Variants in NRXN1 observed in about 807,000 individuals in gnomAD.
The protein encoded by NRXN1 is neurexin-1.
NRXN1 carries 39 observed loss-of-function variants against 150.9 expected under a neutral mutation model. The ratio of observed to expected loss-of-function variants is 0.26; its 90% CI spans 0.20 to 0.34. The LOEUF (loss-of-function observed/expected upper bound fraction) is 0.34, where lower values mean the gene tolerates loss of function less well. Among genes scored for constraint, NRXN1 ranks in the 10% least tolerant of loss-of-function variants. NRXN1 has a pLI of 1.00. For missense variants in NRXN1, 1,815 were observed against 1,949.9 expected (o/e 0.93, Z 1.30); for synonymous variants, 924 against 757.0 (o/e 1.22, Z -3.62).
intron 19 of NRXN1, among the ~76,000 whole-genome samples, chr2:50,069,999 C>A (rs1001431694): frequency 6.6e-6 from 1 of 151,758 alleles, no homozygotes; most frequent in Non-Finnish European, 1.5e-5. Flanking sequence ...TACAGGCACC[C>A]GCCACCACAC....
rs1330231745 is a variant in NRXN1, at chr2:50,076,416, G to C, written c.3718+14907C>G. ...TTTACTCAGCACTTACTACTTACCAGGTTTTTACCAATTTCTAACTGTTTT... is the reference window on the plus strand; with the variant it reads ...TTTACTCAGCACTTACTACTTACCACGTTTTTACCAATTTCTAACTGTTTT... On this transcript the variant is annotated intron_variant, in intron 19 of 22. Coordinates refer to ENST00000401669, the MANE Select transcript of NRXN1 (RefSeq NM_001330078.2). Among the ~76,000 whole-genome samples the C allele has an allele frequency of 2.0e-5, 3 of 152,088 alleles. No homozygotes were observed. In the East Asian group the frequency reaches 5.8e-4, roughly 29 times the overall value.
intron 18 of NRXN1, among the ~76,000 whole-genome samples, chr2:50,135,038 T>C (rs769136338): frequency 2.6e-5 from 4 of 152,220 alleles, no homozygotes; most frequent in East Asian, 1.9e-4. Context: ...AGCAAGAATA[T>C]TATGCACCAG....
At chr2:50,169,737 GA>G (rs2059914508) in intron 18 of NRXN1, among the ~76,000 whole-genome samples, 1 of 140,686 alleles carries the variant, frequency 7.1e-6, no homozygotes, top group Non-Finnish European at 1.5e-5. Flanking sequence ...AAGAAAGAAA[GA>G]AATTATATGG....
At chr2:49,995,270 A>G (rs62134647) in intron 21 of NRXN1, among the ~76,000 whole-genome samples, 71,037 of 152,028 alleles carry the variant, frequency 0.47, 17,252 homozygotes, top group Middle Eastern at 0.6. Flanking sequence ...ATTGAAATGA[A>G]TGTTTTATAA....
At chr2:50,601,511 A>T (rs545117411) in intron 8 of NRXN1, among the ~76,000 whole-genome samples, 6 of 152,344 alleles carry the variant, frequency 3.9e-5, no homozygotes, top group African/African-American at 1.4e-4. Context: ...TATGATCTTG[A>T]CTTCTACAAT....
rs545906338 is a variant in NRXN1, at chr2:50,138,757, C to A, written c.3547-47263G>T. ...CTCTGATTATTAGTCTTGAAGCCAT[C>A]TTATGTTATTGTTCCATTCCTCACA... On this transcript the variant is annotated intron_variant, in intron 18 of 22. Transcript: ENST00000401669. Among the ~76,000 whole-genome samples, 13 of 152,294 alleles carry A rather than the reference C, an allele frequency of 8.5e-5. No individual in the cohort carries two copies. In the East Asian group the frequency reaches 2.5e-3, roughly 29 times the overall value.
intron 18 of NRXN1, among the ~76,000 whole-genome samples, chr2:50,219,972 T>TATATAC (rs2063736273): frequency 5.1e-4 from 26 of 50,616 alleles, no homozygotes; most frequent in African/African-American, 4.3e-3. Flanking sequence ...ATTATATATA[T>TATATAC]ATAATATATA....
chr2:50,934,204 G>A (rs972115743), intron 2 of NRXN1, among the ~76,000 whole-genome samples: 1 of 151,896 alleles, frequency 6.6e-6, no homozygotes, highest in African/African-American at 2.4e-5. Context: ...AATCCAAACT[G>A]TGATATTTTT....
chr2:50,398,591 T>G (rs2082194210), intron 17 of NRXN1, among the ~76,000 whole-genome samples: 1 of 152,094 alleles, frequency 6.6e-6, no homozygotes, highest in South Asian at 2.1e-4. Context: ...CAGATAAAAC[T>G]GGGAAGGAGC....
intron 5 of NRXN1, among the ~76,000 whole-genome samples, chr2:50,868,034 G>T (rs1354162632): frequency 2.0e-5 from 3 of 150,572 alleles, no homozygotes; most frequent in Non-Finnish European, 3.0e-5. Flanking sequence ...TAACTTAATT[G>T]CATTTTCCCC....
intron 17 of NRXN1, among the ~76,000 whole-genome samples, chr2:50,395,908 C>A (rs1011988251): frequency 2.0e-5 from 3 of 152,092 alleles, no homozygotes; most frequent in African/African-American, 7.2e-5. Context: ...CTCCTGGTGA[C>A]CCTGATGACT....
rs1184994383 is a variant in NRXN1, at chr2:50,945,212, T to C, written c.773-19257A>G. On this transcript the variant is annotated intron_variant, in intron 2 of 22. Coordinates refer to ENST00000401669, the MANE Select transcript of NRXN1 (RefSeq NM_001330078.2). ...CATATAGGCTGAGCTCATTGGCTCA[T>C]GCCTGTAATTCCAGCAATTTGGGAG... Among the ~76,000 whole-genome samples, 8 of 152,324 alleles carry C rather than the reference T, an allele frequency of 5.3e-5. No homozygotes were observed. In the East Asian group the frequency reaches 1.5e-3, roughly 29 times the overall value.
At chr2:50,861,794 TATAA>T (rs1300626283) in intron 5 of NRXN1, among the ~76,000 whole-genome samples, 5 of 152,116 alleles carry the variant, frequency 3.3e-5, no homozygotes, top group African/African-American at 1.2e-4. Flanking sequence ...ATGATGAAGA[TATAA>T]ATAGATTTTA....
intron 5 of NRXN1, among the ~76,000 whole-genome samples, chr2:50,673,791 A>C (rs1381579334): frequency 6.6e-6 from 1 of 152,104 alleles, no homozygotes; most frequent in Non-Finnish European, 1.5e-5. Flanking sequence ...TAGTAGGAAA[A>C]CAATGACATG....
At chr2:49,947,712 A>C (rs1673203363) in intron 21 of NRXN1, among the ~76,000 whole-genome samples, 1 of 151,574 alleles carries the variant, frequency 6.6e-6, no homozygotes, top group African/African-American at 2.4e-5. Context: ...AGAATGATCT[A>C]ACCTGAAATG....
chr2:50,819,105 A>G (rs1669342168), intron 5 of NRXN1, among the ~76,000 whole-genome samples: 1 of 152,136 alleles, frequency 6.6e-6, no homozygotes, highest in South Asian at 2.1e-4. Flanking sequence ...CCACTGTGTG[A>G]AACAGTATGG....
chr2:49,994,804 G>C (rs1032527700), intron 21 of NRXN1, among the ~76,000 whole-genome samples: 1 of 152,208 alleles, frequency 6.6e-6, no homozygotes, highest in African/African-American at 2.4e-5. Flanking sequence ...TTTTTGTAAG[G>C]CAAAAGGTGA....
At chr2:50,471,110 T>A (rs565755783) in intron 16 of NRXN1, among the ~76,000 whole-genome samples, 47 of 151,952 alleles carry the variant, frequency 3.1e-4, no homozygotes, top group Admixed American at 4.6e-4. Context: ...ACTTTTTTTT[T>A]AATTTCAGTA....
At chr2:50,191,689 T>A (rs2061452953) in intron 18 of NRXN1, among the ~76,000 whole-genome samples, 1 of 152,256 alleles carries the variant, frequency 6.6e-6, no homozygotes, top group African/African-American at 2.4e-5. Flanking sequence ...TTTATGTAAC[T>A]TCTTCTGTTG....
Sources: gnomAD v4.1 joint callset for allele counts (sites outside exome capture counted in the v4.1 genomes callset) on GRCh38, gnomAD v4.1.1 for gene constraint, MANE v1.5 for transcripts, NCBI Gene and HGNC (gene_info 2026-07-23, HGNC 2026-07-21) for gene names.